The following DCAF8L2 variants were observed in gnomAD, a reference collection of about 807,000 sequenced individuals.
The protein encoded by DCAF8L2 is DDB1- and CUL4-associated factor 8-like protein 2.
For missense variants in DCAF8L2, 430 were observed against 490.7 expected (o/e 0.88, Z 1.17); for synonymous variants, 200 against 190.9 (o/e 1.05, Z -0.39).
chrX:27,675,287 A>G (rs1477236878), intron 2 of DCAF8L2, among the ~76,000 whole-genome samples: 2 of 111,525 alleles, frequency 1.8e-5, no homozygotes, highest in African/African-American at 6.5e-5. Flanking sequence ...ACTGGGAATC[A>G]GCATCCAAAT....
At chrX:27,530,767 C>T in the DCAF8L2 span, among the ~76,000 whole-genome samples, 4 of 111,756 alleles carry the variant, frequency 3.6e-5, no homozygotes, top group South Asian at 3.7e-4. Context: ...AATTGAGGTA[C>T]GGTCATATTA....
At position 27,747,381 on chromosome X, in the gene DCAF8L2, G is replaced by T; in HGVS notation, c.486G>T (p.Gln162His). The part of the protein sequence containing the change: ...GPQGSGGNHE[Q>H]YSLEEDQALE... ...AAGGCAGTGGCGGCAACCATGAGCA[G>T]TATTCGTTAGAGGAGGATCAGGCGC... Residue 162 changes from glutamine to histidine, a missense_variant, in exon 5 of 5, where the codon CAG (glutamine) becomes CAT (histidine). By Grantham distance (24) the Gln-to-His change is conservative (BLOSUM62 0). Coordinates refer to ENST00000451261, the MANE Select transcript of DCAF8L2 (RefSeq NM_001353450.2). 8.6e-7 allele frequency: 1 copy of T among 1,167,411 alleles called. No homozygotes were observed.
At chrX:27,632,380 C>T (rs978748414) in intron 2 of DCAF8L2, 17 of 111,228 alleles carry the variant, frequency 1.5e-4, no homozygotes, top group African/African-American at 5.6e-4. Context: ...CATGTCTCTG[C>T]TCAAAACCCT....
At position 27,675,420 on chromosome X, in the gene DCAF8L2, T is replaced by C. The variant is rs1332796264; in HGVS notation, c.-219-2416T>C. Among the ~76,000 whole-genome samples, 18 of 112,085 alleles carry C rather than the reference T, an allele frequency of 1.6e-4. No homozygotes were observed. In the Admixed American group the frequency reaches 1.7e-3, roughly 11 times the overall value. ...ATTGTAAAATTTTGGCAAATAATCATGAAAACAGATTGTGAAAATGCCGGA... is the reference window on the plus strand; with the variant it reads ...ATTGTAAAATTTTGGCAAATAATCACGAAAACAGATTGTGAAAATGCCGGA... On this transcript the variant is annotated intron_variant, in intron 2 of 4. Coordinates refer to ENST00000451261, the MANE Select transcript of DCAF8L2 (RefSeq NM_001353450.2).
chrX:27,619,085 T>G (rs917036538), intron 1 of DCAF8L2, among the ~76,000 whole-genome samples: 3 of 110,230 alleles, frequency 2.7e-5, no homozygotes, highest in African/African-American at 9.9e-5. Flanking sequence ...TACCTATCCA[T>G]CTACCTATAT....
At chrX:27,509,711 C>T in the DCAF8L2 span, among the ~76,000 whole-genome samples, 1 of 111,270 alleles carries the variant, frequency 9.0e-6, no homozygotes, top group Non-Finnish European at 1.9e-5. Context: ...CTCTTTTGTT[C>T]TTTTGCTTAC....
the DCAF8L2 span, among the ~76,000 whole-genome samples, chrX:27,497,748 T>C: frequency 9.0e-6 from 1 of 111,122 alleles, no homozygotes; most frequent in Non-Finnish European, 1.9e-5. Context: ...TTTCTATTTT[T>C]AGTAGAGACG....
At chrX:27,668,544 A>G in intron 2 of DCAF8L2, among the ~76,000 whole-genome samples, 2 of 111,961 alleles carry the variant, frequency 1.8e-5, no homozygotes. Flanking sequence ...CAACCAGAGG[A>G]AAAAGGGACT....
At chrX:27,716,580 A>G (rs1425651632) in intron 4 of DCAF8L2, among the ~76,000 whole-genome samples, 2 of 112,233 alleles carry the variant, frequency 1.8e-5, no homozygotes, top group South Asian at 3.7e-4. Context: ...CACTGTCACT[A>G]TATCACTGGC....
chrX:27,729,736 C>T (rs1458874941), intron 4 of DCAF8L2, among the ~76,000 whole-genome samples: 2 of 111,821 alleles, frequency 1.8e-5, no homozygotes, highest in East Asian at 5.6e-4. Flanking sequence ...TCTACTCTTA[C>T]AATCTAATCA....
intron 2 of DCAF8L2, among the ~76,000 whole-genome samples, chrX:27,642,639 A>G (rs140696246): frequency 0.013 from 1,440 of 111,263 alleles, 29 homozygotes; most frequent in African/African-American, 0.045. Flanking sequence ...TTCCATGTCT[A>G]TCTCTTCAAC....
In DCAF8L2 at chrX:27,747,324, G is replaced by GGAA. The variant is rs1555938831; in HGVS notation, c.431_432insAGA (p.Glu147dup). On this transcript the variant is annotated inframe_insertion, in exon 5 of 5. Transcript: ENST00000451261. ...AGGAGGAGGAGGAGGAGGAGGAGGA[G>GGAA]GAGGAAGAAGAACAGCCTCGGGCGG... 1 of 1,079,305 alleles carries GGAA rather than the reference G, an allele frequency of 9.3e-7. No homozygotes were observed. The highest frequency in any genetic ancestry group is 2.1e-5 in the South Asian group (1 of 46,864). 88.9% of individuals were successfully genotyped at this position (1,079,305 alleles called of 1,213,427 possible).
the DCAF8L2 span, among the ~76,000 whole-genome samples, chrX:27,544,619 G>A: frequency 2.7e-5 from 3 of 111,560 alleles, no homozygotes; most frequent in African/African-American, 9.8e-5. Context: ...CAATATAATG[G>A]TTTCATTACT....
chrX:27,516,547 A>G, the DCAF8L2 span, among the ~76,000 whole-genome samples: 1 of 110,089 alleles, frequency 9.1e-6, no homozygotes. Flanking sequence ...CAGCCATACG[A>G]CACCCCTCCA....
the DCAF8L2 span, among the ~76,000 whole-genome samples, chrX:27,555,660 T>C: frequency 8.9e-6 from 1 of 112,194 alleles, no homozygotes; most frequent in Non-Finnish European, 1.9e-5. Flanking sequence ...AGGATTTCTC[T>C]TTTGCAGTGA....
At chrX:27,514,702 AAAAAAAC>A in the DCAF8L2 span, among the ~76,000 whole-genome samples, 83 of 100,099 alleles carry the variant, frequency 8.3e-4, 2 homozygotes, top group African/African-American at 3.3e-3. Flanking sequence ...AAAACAAAAA[AAAAAAAC>A]AGAGTGAAAT....
the DCAF8L2 span, among the ~76,000 whole-genome samples, chrX:27,553,308 G>A: frequency 9.0e-6 from 1 of 111,371 alleles, no homozygotes; most frequent in Non-Finnish European, 1.9e-5. Flanking sequence ...TTTTCTTGCT[G>A]ATTCTCTATC....
the DCAF8L2 span, chrX:27,519,393 T>C: frequency 8.8e-7 from 1 of 1,142,654 alleles, no homozygotes; most frequent in Non-Finnish European, 1.2e-6. Flanking sequence ...AGATGAAGAA[T>C]CAGGAGCAGC....
At chrX:27,557,227 A>G in the DCAF8L2 span, among the ~76,000 whole-genome samples, 4 of 112,430 alleles carry the variant, frequency 3.6e-5, no homozygotes, top group African/African-American at 1.3e-4. Context: ...TCAAAATACT[A>G]CAGATAATTT....
Sources: allele counts gnomAD v4.1 joint callset (sites outside exome capture counted in the v4.1 genomes callset), GRCh38; gene constraint gnomAD v4.1.1; transcripts MANE v1.5; gene names NCBI Gene and HGNC (gene_info 2026-07-23, HGNC 2026-07-21).